The following MIPOL1 variants were observed in gnomAD, a reference collection of about 807,000 sequenced individuals.
MIPOL1 encodes the protein mirror-image polydactyly 1, also known as mirror-image polydactyly gene 1 protein.
A neutral mutation model predicts 60.9 loss-of-function variants in MIPOL1; 57 were observed. That is an observed-to-expected ratio of 0.94 (90% CI 0.76 to 1.17). The LOEUF (loss-of-function observed/expected upper bound fraction) is 1.17. Ranked by LOEUF, MIPOL1 falls within the 50% of genes most tolerant of loss-of-function variation. MIPOL1 has a pLI of 0.00. For missense variants in MIPOL1, 551 were observed against 511.6 expected (o/e 1.08, Z -0.74); for synonymous variants, 179 against 168.8 (o/e 1.06, Z -0.47).
intron 11 of MIPOL1, among the ~76,000 whole-genome samples, chr14:37,469,026 A>G (rs2094640022): frequency 6.6e-6 from 1 of 152,174 alleles, no homozygotes; most frequent in Admixed American, 6.6e-5. Context: ...GGAGCCATCA[A>G]AGTGTTTTAA....
At chr14:37,253,414 T>C (rs976541757) in intron 3 of MIPOL1, among the ~76,000 whole-genome samples, 1 of 151,786 alleles carries the variant, frequency 6.6e-6, no homozygotes, top group Non-Finnish European at 1.5e-5. Context: ...CCTACTACAA[T>C]GTCTGAAACA....
intron 3 of MIPOL1, among the ~76,000 whole-genome samples, chr14:37,256,015 T>C (rs1381581386): frequency 3.3e-5 from 5 of 151,772 alleles, no homozygotes; most frequent in Admixed American, 3.3e-4. Context: ...AAATTAACAA[T>C]TAAATGCTCC....
chr14:37,545,832 T>A, intron 12 of MIPOL1: 1 of 433,814 alleles, frequency 2.3e-6, no homozygotes, highest in Non-Finnish European at 4.1e-6. Flanking sequence ...CTGTGTTTAT[T>A]TGCAGAGGAC....
chr14:37,201,658 C>A (rs138498483), intron 1 of MIPOL1, among the ~76,000 whole-genome samples: 1 of 152,232 alleles, frequency 6.6e-6, no homozygotes, highest in African/African-American at 2.4e-5. Context: ...ACTGTGACAC[C>A]TCTTCCCAGG....
At chr14:37,372,983 G>C (rs1233983323) in intron 10 of MIPOL1, among the ~76,000 whole-genome samples, 1 of 152,066 alleles carries the variant, frequency 6.6e-6, no homozygotes, top group Admixed American at 6.6e-5. Flanking sequence ...GGAAGAACAT[G>C]TTTTTGAACA....
At chr14:37,431,569 CTTTTTTTTTTTTT>C (rs869258490) in intron 11 of MIPOL1, among the ~76,000 whole-genome samples, 7 of 64,852 alleles carry the variant, frequency 1.1e-4, no homozygotes, top group Admixed American at 6.0e-4. Flanking sequence ...ATCTCTGTTT[CTTTTTTTTTTTTT>C]TTTTTTTTTT....
At chr14:37,220,305 TA>T (rs903377486) in intron 1 of MIPOL1, among the ~76,000 whole-genome samples, 23 of 151,952 alleles carry the variant, frequency 1.5e-4, no homozygotes, top group South Asian at 4.2e-4. Context: ...ACATATAATC[TA>T]AAAAAAAATT....
At chr14:37,463,880 C>G (rs2094568475) in intron 11 of MIPOL1, among the ~76,000 whole-genome samples, 1 of 151,966 alleles carries the variant, frequency 6.6e-6, no homozygotes. Context: ...GGACTAACAC[C>G]AAGAATCTAC....
chr14:37,304,452 A>T (rs2086616806), intron 7 of MIPOL1, among the ~76,000 whole-genome samples: 1 of 151,796 alleles, frequency 6.6e-6, no homozygotes, highest in Admixed American at 6.6e-5. Context: ...TCAGATCATG[A>T]TACCTTTTTT....
chr14:37,487,797 T>C (rs1449185270), intron 11 of MIPOL1, among the ~76,000 whole-genome samples: 2 of 152,212 alleles, frequency 1.3e-5, no homozygotes, highest in Non-Finnish European at 2.9e-5. Flanking sequence ...CCTGGATTCA[T>C]TGATTTTTTG....
At chr14:37,292,407 C>T (rs1378572796) in intron 7 of MIPOL1, among the ~76,000 whole-genome samples, 1 of 147,118 alleles carries the variant, frequency 6.8e-6, no homozygotes, top group East Asian at 2.0e-4. Context: ...TTGAAATAGG[C>T]AATTTTGTCA....
intron 9 of MIPOL1, among the ~76,000 whole-genome samples, chr14:37,313,227 G>A (rs2087536187): frequency 6.6e-6 from 1 of 152,092 alleles, no homozygotes; most frequent in South Asian, 2.1e-4. Flanking sequence ...TTGGACTCAG[G>A]TCACACATCA....
At chr14:37,208,760 A>C (rs890510870) in intron 1 of MIPOL1, among the ~76,000 whole-genome samples, 22 of 151,990 alleles carry the variant, frequency 1.4e-4, no homozygotes, top group African/African-American at 5.3e-4. Flanking sequence ...TGCCCGGCTA[A>C]TTTTTGTATT....
At chr14:37,428,238 C>G (rs1287159039) in intron 11 of MIPOL1, among the ~76,000 whole-genome samples, 1 of 152,184 alleles carries the variant, frequency 6.6e-6, no homozygotes, top group African/African-American at 2.4e-5. Flanking sequence ...GATGTATGAT[C>G]AGCTCTTCGT....
chr14:37,273,460 T>C (rs555810690), intron 6 of MIPOL1, among the ~76,000 whole-genome samples: 1 of 151,468 alleles, frequency 6.6e-6, no homozygotes, highest in East Asian at 1.9e-4. Context: ...ATATGATGGC[T>C]GTGATCCAGT....
chr14:37,428,765 TTA>T (rs1216838508), intron 11 of MIPOL1, among the ~76,000 whole-genome samples: 2 of 152,054 alleles, frequency 1.3e-5, no homozygotes, highest in East Asian at 3.9e-4. Flanking sequence ...AAATACAGGT[TTA>T]TGAGTTTCTT....
rs60533834 is a variant in MIPOL1, at chr14:37,209,533, G to A, written c.-199+11429G>A. Among the ~76,000 whole-genome samples the A allele has an allele frequency of 6.0e-3, 911 of 152,106 alleles. 4 individuals carry two copies. Among genetic ancestry groups the A allele is most frequent in the African/African-American group, 0.013 (553 of 41,518 alleles). On this transcript the variant is annotated intron_variant, in intron 1 of 12. Transcript: ENST00000684589. ...AAATTACCTGGGCATGGTGGCGCTC[G>A]CCTGTAATCCCAGCTACTCAGTAGA...
intron 10 of MIPOL1, among the ~76,000 whole-genome samples, chr14:37,372,062 C>A (rs2092655021): frequency 6.6e-6 from 1 of 151,872 alleles, no homozygotes; most frequent in Non-Finnish European, 1.5e-5. Flanking sequence ...TTTCAGTCTG[C>A]CAATAATATT....
At chr14:37,482,119 CAATT>C (rs1381645334) in intron 11 of MIPOL1, among the ~76,000 whole-genome samples, 1 of 151,978 alleles carries the variant, frequency 6.6e-6, no homozygotes, top group African/African-American at 2.4e-5. Flanking sequence ...TCAAAGAAAA[CAATT>C]AACAGTATGA....
Sources: allele counts gnomAD v4.1 joint callset (sites outside exome capture counted in the v4.1 genomes callset), GRCh38; gene constraint gnomAD v4.1.1; transcripts MANE v1.5; gene names NCBI Gene and HGNC (gene_info 2026-07-23, HGNC 2026-07-21).